PREX2: variants seen among roughly 807,000 people sequenced by gnomAD.
PREX2 encodes the protein phosphatidylinositol-3,4,5-trisphosphate dependent Rac exchange factor 2, also known as phosphatidylinositol 3,4,5-trisphosphate-dependent Rac exchanger 2 protein.
Under a neutral mutation model 203.2 loss-of-function variants are expected in PREX2, and 107 were observed. The observed-to-expected ratio is 0.53, with a 90% confidence interval of 0.45 to 0.62. The LOEUF (loss-of-function observed/expected upper bound fraction) is 0.62. PREX2 is among the 20% of genes least tolerant of loss of function. The pLI, the probability that PREX2 is intolerant of heterozygous loss-of-function variation, is 0.00. For missense variants in PREX2, 1,777 were observed against 1,955.9 expected (o/e 0.91, Z 1.72); for synonymous variants, 672 against 663.6 (o/e 1.01, Z -0.19).
At chr8:68,110,084 A>AT (rs567568183) in intron 25 of PREX2, among the ~76,000 whole-genome samples, 15 of 151,902 alleles carry the variant, frequency 9.9e-5, no homozygotes, top group African/African-American at 2.4e-4. Flanking sequence ...TCTAGGACGA[A>AT]TTTTTTTTTC....
At chr8:68,181,787 T>G (rs1040018771) in intron 35 of PREX2, among the ~76,000 whole-genome samples, 1 of 152,142 alleles carries the variant, frequency 6.6e-6, no homozygotes, top group Admixed American at 6.6e-5. Context: ...AATTATACAT[T>G]TATTTATTCA....
intron 1 of PREX2, among the ~76,000 whole-genome samples, chr8:68,011,685 C>T (rs1016153500): frequency 2.6e-5 from 4 of 152,006 alleles, no homozygotes; most frequent in African/African-American, 9.7e-5. Flanking sequence ...AATGTTTTAA[C>T]CACATAGTGT....
At chr8:68,047,516 T>TAC (rs1808402784) in intron 8 of PREX2, among the ~76,000 whole-genome samples, 1 of 116,862 alleles carries the variant, frequency 8.6e-6, no homozygotes, top group African/African-American at 7.1e-5. Context: ...TACACATACA[T>TAC]ATATATATAT....
At chr8:68,029,163 A>G (rs1807811183) in intron 5 of PREX2, among the ~76,000 whole-genome samples, 1 of 152,126 alleles carries the variant, frequency 6.6e-6, no homozygotes, top group Non-Finnish European at 1.5e-5. Flanking sequence ...AGATACATTG[A>G]TGTTATTTGT....
chr8:68,165,680 T>C (rs1477084769), intron 35 of PREX2, among the ~76,000 whole-genome samples: 1 of 152,198 alleles, frequency 6.6e-6, no homozygotes, highest in Non-Finnish European at 1.5e-5. Flanking sequence ...TTTAGAAGTT[T>C]TTTTTTCAGT....
chr8:68,158,381 G>T (rs1240180601), intron 35 of PREX2, among the ~76,000 whole-genome samples: 1 of 151,994 alleles, frequency 6.6e-6, no homozygotes, highest in African/African-American at 2.4e-5. Flanking sequence ...TATAAGTAGA[G>T]AGTTTATTTG....
At chr8:68,111,948 A>G (rs1340884539) in intron 25 of PREX2, among the ~76,000 whole-genome samples, 1 of 152,192 alleles carries the variant, frequency 6.6e-6, no homozygotes, top group African/African-American at 2.4e-5. Flanking sequence ...AAACTGCCTG[A>G]TAACACCTCA....
At chr8:68,033,256 A>G (rs1807939472) in intron 6 of PREX2, among the ~76,000 whole-genome samples, 1 of 152,136 alleles carries the variant, frequency 6.6e-6, no homozygotes, top group Non-Finnish European at 1.5e-5. Context: ...GTGGCTTTTG[A>G]GCAGAGTTGG....
chr8:68,098,381 A>G (rs1255119126), intron 22 of PREX2, among the ~76,000 whole-genome samples: 1 of 152,172 alleles, frequency 6.6e-6, no homozygotes, highest in East Asian at 1.9e-4. Context: ...AACTATTTTA[A>G]AAGTAATTAT....
At chr8:68,137,213 A>G (rs1379235742) in intron 32 of PREX2, among the ~76,000 whole-genome samples, 3 of 149,744 alleles carry the variant, frequency 2.0e-5, no homozygotes, top group African/African-American at 5.1e-5. Context: ...GCCTACAGCA[A>G]CTTTTACAAA....
intron 32 of PREX2, among the ~76,000 whole-genome samples, chr8:68,134,577 A>C (rs976935373): frequency 6.6e-6 from 1 of 152,170 alleles, no homozygotes; most frequent in African/African-American, 2.4e-5. Flanking sequence ...CAGAAGAAAA[A>C]GGGTCTTTCT....
intron 23 of PREX2, chr8:68,105,460 A>G: frequency 1.7e-6 from 2 of 1,172,912 alleles, no homozygotes; most frequent in Non-Finnish European, 2.1e-6. Flanking sequence ...AGGCATTTGT[A>G]TTGAGCTACA....
intron 1 of PREX2, among the ~76,000 whole-genome samples, chr8:67,971,045 A>G (rs1012190556): frequency 5.3e-5 from 8 of 152,136 alleles, no homozygotes; most frequent in Non-Finnish European, 1.2e-4. Context: ...AAGTGGTCCC[A>G]TTGAAGAGTA....
chr8:68,066,714 G>A (rs767358982), intron 11 of PREX2, among the ~76,000 whole-genome samples: 2 of 151,814 alleles, frequency 1.3e-5, no homozygotes, highest in Non-Finnish European at 2.9e-5. Flanking sequence ...ACACTTTTTA[G>A]TTTGATGCAA....
intron 21 of PREX2, among the ~76,000 whole-genome samples, chr8:68,095,687 A>C (rs1161842122): frequency 6.9e-6 from 1 of 144,710 alleles, no homozygotes; most frequent in Non-Finnish European, 1.5e-5. Flanking sequence ...AGAGTGCGGT[A>C]GTGTAGTGGT....
chr8:68,016,589 T>C (rs1384883825), intron 1 of PREX2, among the ~76,000 whole-genome samples: 1 of 152,196 alleles, frequency 6.6e-6, no homozygotes, highest in Non-Finnish European at 1.5e-5. Context: ...GTAGTATCTC[T>C]GGGTTCAAGA....
chr8:68,099,900 A>C, intron 23 of PREX2, 57 bp downstream of exon 23: 1 of 1,393,020 alleles, frequency 7.2e-7, no homozygotes, highest in Non-Finnish European at 1.0e-6. Context: ...TTTGAATGTC[A>C]AATTTAAATC....
At chr8:68,160,491 A>T (rs1811633373) in intron 35 of PREX2, among the ~76,000 whole-genome samples, 1 of 152,164 alleles carries the variant, frequency 6.6e-6, no homozygotes. Context: ...TAACACATTT[A>T]TATAAATATA....
At chr8:68,010,702 A>G (rs1012625373) in intron 1 of PREX2, among the ~76,000 whole-genome samples, 2 of 152,230 alleles carry the variant, frequency 1.3e-5, no homozygotes, top group African/African-American at 4.8e-5. Context: ...TGCTCACCAC[A>G]GAGCTGAACT....
Sources: allele counts gnomAD v4.1 joint callset (sites outside exome capture counted in the v4.1 genomes callset), GRCh38; gene constraint gnomAD v4.1.1; transcripts MANE v1.5; gene names NCBI Gene and HGNC (gene_info 2026-07-23, HGNC 2026-07-21).